The following ZNF875 variants were observed in gnomAD, a reference collection of about 807,000 sequenced individuals.
ZNF875 encodes HKR1, GLI-Kruppel zinc finger family member.
A neutral mutation model predicts 11.2 loss-of-function variants in ZNF875; 14 were observed. The observed-to-expected ratio is 1.26, with a 90% CI of 0.83 to 1.96. The LOEUF is 1.96. Among genes scored for constraint, ZNF875 ranks in the 30% most tolerant of loss-of-function variants. ZNF875 has a pLI of 0.00. For missense variants in ZNF875, 752 were observed against 760.4 expected (o/e 0.99, Z 0.13); for synonymous variants, 301 against 281.1 (o/e 1.07, Z -0.71).
chr19:37,332,198 A>G (rs879489708), upstream of ZNF875, among the ~76,000 whole-genome samples: 4 of 149,746 alleles, frequency 2.7e-5, no homozygotes, highest in South Asian at 2.2e-4. Flanking sequence ...CAGATGATCA[A>G]TAAATACTAA....
At chr19:37,325,896 A>G (rs1366969646) in intron 4 of ZNF875, among the ~76,000 whole-genome samples, 1 of 152,006 alleles carries the variant, frequency 6.6e-6, no homozygotes, top group African/African-American at 2.4e-5. Context: ...TTTTGTTAAG[A>G]CAGGGTTTCA....
intron 2 of ZNF875, among the ~76,000 whole-genome samples, chr19:37,336,820 A>G (rs2034543273): frequency 6.6e-6 from 1 of 151,870 alleles, no homozygotes; most frequent in Non-Finnish European, 1.5e-5. Context: ...AGGCAGGAGA[A>G]TCGCTTGAAC....
upstream of ZNF875, among the ~76,000 whole-genome samples, chr19:37,330,392 C>T (rs1032833345): frequency 6.6e-6 from 1 of 152,180 alleles, no homozygotes; most frequent in Non-Finnish European, 1.5e-5. Context: ...ATGTACCCTC[C>T]AGGGTTGCCT....
At chr19:37,344,551 C>T (rs1402846742) in intron 2 of ZNF875, 8 of 747,568 alleles carry the variant, frequency 1.1e-5, no homozygotes, top group African/African-American at 5.2e-5. Flanking sequence ...TAGAATCCTA[C>T]GGTAAGGCTT....
At position 37,335,155 on chromosome 19, in the gene ZNF875, C is replaced by G; in HGVS notation, c.-56-14C>G. 1 of 698,896 alleles carries G rather than the reference C, an allele frequency of 1.4e-6. No homozygotes were observed. Among genetic ancestry groups the G allele is most frequent in the East Asian group, 2.7e-5 (1 of 37,074 alleles). The allele number at this position is 698,896 out of a possible 1,614,324, so 43.3% of individuals were successfully genotyped here. A position where few individuals can be genotyped will look rare whatever the true frequency, so the allele number is the denominator to read the frequency against. ...TTCCACCTAGGCCACTCTTATTTCT[C>G]TTCACATCCCCAGATCTGTCTTCTG... On this transcript the variant is annotated splice_polypyrimidine_tract_variant and intron_variant, in intron 1 of 4. Transcript: ENST00000392153.
At chr19:37,313,621 C>T (rs968362330), upstream of ZNF875, among the ~76,000 whole-genome samples, 1 of 152,130 alleles carries the variant, frequency 6.6e-6, no homozygotes, top group Non-Finnish European at 1.5e-5. Flanking sequence ...CCCTGTCACC[C>T]CAGGGACCTC....
chr19:37,344,528 C>G (rs2036391411), intron 2 of ZNF875: 5 of 637,106 alleles, frequency 7.8e-6, no homozygotes, highest in African/African-American at 1.8e-5. Context: ...TTACAAATGA[C>G]GAAGTCTTTT....
In ZNF875 at chr19:37,362,458, T is replaced by C. The variant is rs762371703; in HGVS notation, c.606T>C (p.Pro202=). The C allele has an allele frequency of 9.9e-6, 16 of 1,614,154 alleles. No individual in the cohort carries two copies. In the South Asian group the frequency reaches 1.8e-4, roughly 18 times the overall value. ...DNTVVDIGSS[P]ERRADLEETD... ...CAGTGGTGGATATAGGGTCCAGCCCTGAACGGAGGGCAGATCTAGAGGAAA... is the reference window on the plus strand; with the variant it reads ...CAGTGGTGGATATAGGGTCCAGCCCCGAACGGAGGGCAGATCTAGAGGAAA... The change falls in exon 5 of 5, where the codon CCT becomes CCC. Residue 202 remains proline (P), a synonymous_variant. Transcript: ENST00000392153.
At chr19:37,316,483 C>T (rs187564058), upstream of ZNF875, among the ~76,000 whole-genome samples, 14 of 151,846 alleles carry the variant, frequency 9.2e-5, no homozygotes, top group African/African-American at 3.1e-4. Flanking sequence ...GATTCTCCTG[C>T]CTCAGCCTCC....
intron 4 of ZNF875, among the ~76,000 whole-genome samples, chr19:37,360,539 TTAA>T (rs1197827698): frequency 1.3e-5 from 2 of 152,262 alleles, no homozygotes; most frequent in African/African-American, 4.8e-5. Context: ...AATCACCATC[TTAA>T]TAATAGTAAG....
intron 4 of ZNF875, chr19:37,359,732 C>CT (rs1458913690): frequency 1.0e-5 from 2 of 193,414 alleles, no homozygotes; most frequent in Non-Finnish European, 2.1e-5. Flanking sequence ...ATTTGCATAT[C>CT]TTTTTTAGTA....
upstream of ZNF875, among the ~76,000 whole-genome samples, chr19:37,313,523 C>T (rs904919875): frequency 6.6e-6 from 1 of 152,156 alleles, no homozygotes; most frequent in African/African-American, 2.4e-5. Flanking sequence ...CAGATTCCCT[C>T]ATCACTGACC....
chr19:37,357,938 T>C (rs117812779), intron 4 of ZNF875: 11 of 398,424 alleles, frequency 2.8e-5, no homozygotes, highest in Non-Finnish European at 4.0e-5. Flanking sequence ...AGAGCAGACA[T>C]CCTTTTCTTG....
chr19:37,314,386 G>T (rs1194578676), upstream of ZNF875, among the ~76,000 whole-genome samples: 2 of 152,198 alleles, frequency 1.3e-5, no homozygotes, highest in East Asian at 3.8e-4. Flanking sequence ...AAAGTGTTGA[G>T]ATTACAGGTG....
chr19:37,357,897 A>T, intron 4 of ZNF875: 1 of 398,186 alleles, frequency 2.5e-6, no homozygotes, highest in Non-Finnish European at 4.4e-6. Context: ...TTTCTCTAGG[A>T]CTTCCAGTAC....
intron 4 of ZNF875, among the ~76,000 whole-genome samples, chr19:37,350,851 C>T (rs548290551): frequency 7.4e-6 from 1 of 135,524 alleles, no homozygotes; most frequent in South Asian, 2.4e-4. Context: ...GTCCCCCAGG[C>T]TGGAGTGCAG....
chr19:37,336,557 C>A (rs1199438252), intron 2 of ZNF875, among the ~76,000 whole-genome samples: 1 of 151,324 alleles, frequency 6.6e-6, no homozygotes, highest in Non-Finnish European at 1.5e-5. Context: ...CCTCGGCCTC[C>A]CAAAGTGCTG....
rs764668896 is a variant in ZNF875 at position 37,363,623 on chromosome 19, A to G, written c.1771A>G (p.Arg591Gly). Residue 591 changes from arginine to glycine, a missense_variant, in exon 5 of 5, where the codon AGG (arginine) becomes GGG (glycine). By Grantham distance (125) the Arg-to-Gly change is moderately radical. Coordinates refer to ENST00000392153, the MANE Select transcript of ZNF875 (RefSeq NM_001353803.2). ...CGCAGGGGGGAAGCCTCATGTGTGC[A>G]GGGAGTGTGGGCAAGGCTTTAGCCG... ...AHAGGKPHVC[R>G]ECGQGFSRQS... The G allele has an allele frequency of 6.8e-6, 11 of 1,614,030 alleles. No homozygotes were observed. Among genetic ancestry groups the G allele is most frequent in the Non-Finnish European group, 8.5e-6 (10 of 1,179,984 alleles).
At chr19:37,340,663 T>TTC (rs2035523796) in intron 2 of ZNF875, among the ~76,000 whole-genome samples, 1 of 148,632 alleles carries the variant, frequency 6.7e-6, no homozygotes, top group Non-Finnish European at 1.5e-5. Context: ...TTTTTTTTTT[T>TTC]TTTGAGACGG....
Sources: allele counts gnomAD v4.1 joint callset (sites outside exome capture counted in the v4.1 genomes callset), GRCh38; gene constraint gnomAD v4.1.1; transcripts MANE v1.5; gene names NCBI Gene and HGNC (gene_info 2026-07-23, HGNC 2026-07-21).